The following GRAMD4 variants were observed in gnomAD, a reference collection of about 807,000 sequenced individuals.
GRAMD4 encodes GRAM domain-containing protein 4.
GRAMD4 carries 25 observed loss-of-function variants against 83.9 expected under a neutral mutation model. That is an observed-to-expected ratio of 0.30 (90% CI 0.22 to 0.42). The LOEUF is 0.42. Ranked by LOEUF, GRAMD4 falls within the 10% of genes least tolerant of loss-of-function variation. The pLI, the probability that GRAMD4 is intolerant of heterozygous loss-of-function variation, is 1.00. For synonymous variants in GRAMD4, 336 were observed against 320.9 expected, an observed-to-expected ratio of 1.05 and a Z score of -0.50; for missense variants, 593 against 788.7, an observed-to-expected ratio of 0.75 and a Z score of 2.97.
intron 2 of GRAMD4, among the ~76,000 whole-genome samples, chr22:46,637,587 A>G (rs1320912766): frequency 6.6e-6 from 1 of 152,212 alleles, no homozygotes; most frequent in Non-Finnish European, 1.5e-5. Flanking sequence ...GGCTCTGAGG[A>G]TATCCACATT....
intron 10 of GRAMD4, among the ~76,000 whole-genome samples, chr22:46,667,739 G>A (rs1362576387): frequency 6.6e-6 from 1 of 152,246 alleles, no homozygotes; most frequent in Non-Finnish European, 1.5e-5. Flanking sequence ...GGCTCTTAAC[G>A]AATGGGAGAC....
chr22:46,657,270 T>C (rs1430870315), intron 3 of GRAMD4, among the ~76,000 whole-genome samples: 2 of 152,142 alleles, frequency 1.3e-5, no homozygotes, highest in Non-Finnish European at 2.9e-5. Flanking sequence ...CTCTCATCGG[T>C]CTGTTGCTCT....
chr22:46,594,116 T>TCCCCAGCATCCTGCCAGCCCCA (rs2081236662), intron 1 of GRAMD4, among the ~76,000 whole-genome samples: 1 of 148,006 alleles, frequency 6.8e-6, no homozygotes, highest in Non-Finnish European at 1.5e-5. Flanking sequence ...TGCCAGCCCC[T>TCCCCAGCATCCTGCCAGCCCCA]CCCCAGCATC....
At chr22:46,604,137 C>G (rs1300682447) in intron 1 of GRAMD4, among the ~76,000 whole-genome samples, 1 of 152,110 alleles carries the variant, frequency 6.6e-6, no homozygotes, top group South Asian at 2.1e-4. Context: ...TCTGTTCATG[C>G]GCCGTTAACA....
chr22:46,664,334 C>T (rs368929336), intron 8 of GRAMD4, among the ~76,000 whole-genome samples: 134 of 152,318 alleles, frequency 8.8e-4, no homozygotes, highest in African/African-American at 2.9e-3. Flanking sequence ...GGGCGTGGCC[C>T]GGGGCTAGCC....
At chr22:46,593,971 C>G (rs1030927760) in intron 1 of GRAMD4, among the ~76,000 whole-genome samples, 1 of 151,814 alleles carries the variant, frequency 6.6e-6, no homozygotes, top group African/African-American at 2.4e-5. Context: ...GTGATCTGCC[C>G]GCCTCGGCCT....
Position 46,672,711 on chromosome 22 carries a change from C to G in GRAMD4, c.1085-132C>G. The G allele has an allele frequency of 1.5e-6, 1 of 683,888 alleles. No individual in the cohort carries two copies. Among genetic ancestry groups the G allele is most frequent in the East Asian group, 2.6e-5 (1 of 38,570 alleles). 42.4% of individuals were successfully genotyped at this position (683,888 alleles called of 1,614,324 possible). A position where few individuals can be genotyped will look rare whatever the true frequency, so the allele number is the denominator to read the frequency against. ...TCCAGGGTGAGGACTGAGCGAGCAG[C>G]TGGACTCTCACATCCAGGCTCAGGG... On this transcript the variant is annotated intron_variant, in intron 13 of 18. Coordinates refer to ENST00000406902, the MANE Select transcript of GRAMD4 (RefSeq NM_015124.5). This position sits in a 1 kb window ranked among gnomAD's most constrained non-coding sequence, Gnocchi z 4.7.
rs116950192 is a variant in GRAMD4 at position 46,600,279 on chromosome 22, A to C, written c.-50+22989A>C. Among the ~76,000 whole-genome samples, 582 of 152,246 alleles carry C rather than the reference A, an allele frequency of 3.8e-3. 33 individuals are homozygous for C. In the East Asian group the frequency reaches 0.094, roughly 25 times the overall value. ...GGTCTCCTAAAGCCCCATCAGAGAGAGCGTGCAAAATGGAAAGGGCCCCCA... is the reference window on the plus strand; with the variant it reads ...GGTCTCCTAAAGCCCCATCAGAGAGCGCGTGCAAAATGGAAAGGGCCCCCA... On this transcript the variant is annotated intron_variant, in intron 1 of 1. Coordinates refer to the GRAMD4 transcript ENST00000431155.
At position 46,667,846 on chromosome 22, in the gene GRAMD4, C is replaced by T. The variant is rs562164030; in HGVS notation, c.859-250C>T. ...GGTGAACTGTGAGGCAGAGCCTCTG[C>T]TCAGCCATTGCAGGGGCGGCTCTGC... On this transcript the variant is annotated intron_variant, in intron 10 of 18. Coordinates refer to ENST00000406902, the MANE Select transcript of GRAMD4 (RefSeq NM_015124.5). 3.3e-5 allele frequency among the ~76,000 whole-genome samples: 5 copies of T among 152,332 alleles called. No individual in the cohort carries two copies. The East Asian group carries it at 9.7e-4, about 29-fold the overall frequency.
chr22:46,615,696 G>C (rs541666991), upstream of GRAMD4, among the ~76,000 whole-genome samples: 40 of 78,850 alleles, frequency 5.1e-4, no homozygotes, highest in African/African-American at 1.9e-3. Context: ...AGGTTCCCCT[G>C]TGCGTAGGTT....
chr22:46,620,248 T>C (rs2081554221), upstream of GRAMD4: 2 of 935,056 alleles, frequency 2.1e-6, no homozygotes, highest in Admixed American at 6.2e-5. This position sits in a 1 kb window ranked among gnomAD's most constrained non-coding sequence, Gnocchi z 4.7. Context: ...GCAGCATGCT[T>C]TTGTGTTCCA....
chr22:46,603,617 C>CAT (rs1247366405), intron 1 of GRAMD4, among the ~76,000 whole-genome samples: 2 of 150,196 alleles, frequency 1.3e-5, no homozygotes, highest in East Asian at 3.9e-4. Context: ...TCCGGGTTCA[C>CAT]GCCATTCTCC....
intron 3 of GRAMD4, among the ~76,000 whole-genome samples, chr22:46,647,504 G>C (rs1426767707): frequency 6.9e-6 from 1 of 145,970 alleles, no homozygotes; most frequent in African/African-American, 2.8e-5. Flanking sequence ...TCCTGCCAGT[G>C]GGGGGCCTCC....
At chr22:46,603,498 C>T (rs142933927) in intron 1 of GRAMD4, among the ~76,000 whole-genome samples, 25,672 of 133,600 alleles carry the variant, frequency 0.19, 3,246 homozygotes, top group East Asian at 0.33. Flanking sequence ...CATGAGCCAC[C>T]GCGCCCGGCC....
intron 1 of GRAMD4, among the ~76,000 whole-genome samples, chr22:46,593,805 C>T (rs888036204): frequency 5.3e-5 from 8 of 152,090 alleles, no homozygotes; most frequent in Admixed American, 5.2e-4. Context: ...CTCACTGCAA[C>T]CTCTGCCTCC....
intron 1 of GRAMD4, among the ~76,000 whole-genome samples, chr22:46,591,581 T>C (rs2147007824): frequency 6.6e-6 from 1 of 152,148 alleles, no homozygotes; most frequent in Admixed American, 6.5e-5. Context: ...ACGCCTGTAA[T>C]CCCAGCACTT....
chr22:46,663,197 G>T, intron 6 of GRAMD4, 25 bp downstream of exon 6: 2 of 1,601,854 alleles, frequency 1.2e-6, no homozygotes, highest in Non-Finnish European at 1.7e-6. Flanking sequence ...AGCTGGGGCT[G>T]CCTGTGCGTT....
rs2082297914 is a variant in GRAMD4, at chr22:46,659,577, G to A, written c.404+1270G>A. Among the ~76,000 whole-genome samples, 1 of 152,236 alleles carries A rather than the reference G, an allele frequency of 6.6e-6. No individual in the cohort carries two copies. Among genetic ancestry groups the A allele is most frequent in the Non-Finnish European group, 1.5e-5 (1 of 68,050 alleles). ...GGACTCCAAGTGTCGCTGCTTAGCT[G>A]GCCCTGAGGAAGCGGCTCCCTTCAG... On this transcript the variant is annotated intron_variant, in intron 4 of 18. Transcript: ENST00000406902. This position sits in a 1 kb window ranked among gnomAD's most constrained non-coding sequence, Gnocchi z 4.1.
At chr22:46,593,726 T>G (rs946703528) in intron 1 of GRAMD4, among the ~76,000 whole-genome samples, 1 of 152,036 alleles carries the variant, frequency 6.6e-6, no homozygotes, top group African/African-American at 2.4e-5. Context: ...TTTTCATTAT[T>G]TTTATTTATT....
Sources: allele counts gnomAD v4.1 joint callset (sites outside exome capture counted in the v4.1 genomes callset), GRCh38; gene constraint gnomAD v4.1.1; non-coding constraint Gnocchi (gnomAD v3.1); transcripts MANE v1.5; gene names NCBI Gene and HGNC (gene_info 2026-07-23, HGNC 2026-07-21).